The following FGF12 variants were observed in gnomAD, a reference collection of about 807,000 sequenced individuals.
FGF12 encodes the protein fibroblast growth factor 12, also known as fibroblast growth factor 12B.
In FGF12, 14 loss-of-function variants were observed where a neutral mutation model predicts 23.6. The observed-to-expected ratio is 0.59, with a 90% CI of 0.39 to 0.93. FGF12 has a LOEUF of 0.93. Among genes scored for constraint, FGF12 ranks in the 40% least tolerant of loss-of-function variants. The probability of loss-of-function intolerance (pLI) is 0.00; values close to 1 mark genes in which losing one functional copy is unlikely to be tolerated. For missense variants in FGF12, 175 were observed against 217.8 expected, an observed-to-expected ratio of 0.80 and a Z score of 1.24; for synonymous variants, 62 against 77.3, an observed-to-expected ratio of 0.80 and a Z score of 1.04.
At chr3:192,305,095 G>C (rs1323296932) in intron 4 of FGF12, among the ~76,000 whole-genome samples, 1 of 152,088 alleles carries the variant, frequency 6.6e-6, no homozygotes, top group Non-Finnish European at 1.5e-5. Flanking sequence ...AAGGAGAAAG[G>C]AAAGATGGAA....
At chr3:192,452,568 T>C (rs536357963) in intron 2 of FGF12, among the ~76,000 whole-genome samples, 3 of 152,328 alleles carry the variant, frequency 2.0e-5, no homozygotes, top group South Asian at 2.1e-4. Context: ...TTACAGGTCA[T>C]ATTTGAAAGA....
intron 2 of FGF12, among the ~76,000 whole-genome samples, chr3:192,679,768 C>T (rs529513747): frequency 2.6e-5 from 4 of 152,326 alleles, no homozygotes; most frequent in Admixed American, 6.5e-5. Flanking sequence ...TTCTAAATCA[C>T]GATGGCTGCT....
At chr3:192,650,468 T>C (rs1716175267) in intron 2 of FGF12, among the ~76,000 whole-genome samples, 1 of 152,228 alleles carries the variant, frequency 6.6e-6, no homozygotes. Context: ...CCCATCTGTA[T>C]GAGCTTCCCT....
At chr3:192,518,223 A>C (rs1211448440) in intron 2 of FGF12, among the ~76,000 whole-genome samples, 7 of 152,170 alleles carry the variant, frequency 4.6e-5, no homozygotes, top group Non-Finnish European at 8.8e-5. Flanking sequence ...ATTGACTTAG[A>C]CATCTTGGAC....
intron 4 of FGF12, among the ~76,000 whole-genome samples, chr3:192,189,573 G>A (rs1200152991): frequency 6.6e-6 from 1 of 152,118 alleles, no homozygotes; most frequent in African/African-American, 2.4e-5. Flanking sequence ...CTGTTAGAGT[G>A]GGCTCTTTCC....
chr3:192,154,683 A>C (rs1403135342), intron 5 of FGF12, among the ~76,000 whole-genome samples: 1 of 141,894 alleles, frequency 7.0e-6, no homozygotes, highest in South Asian at 2.4e-4. Context: ...TCAGATCTCC[A>C]GCTGCGTGCT....
intron 2 of FGF12, among the ~76,000 whole-genome samples, chr3:192,396,776 GC>G (rs1720540612): frequency 6.6e-5 from 10 of 152,200 alleles, no homozygotes; most frequent in Admixed American, 6.5e-4. Flanking sequence ...AATGAACCCA[GC>G]TGCATAAAGC....
At chr3:192,608,775 C>A (rs1714441012) in intron 2 of FGF12, among the ~76,000 whole-genome samples, 2 of 152,094 alleles carry the variant, frequency 1.3e-5, no homozygotes, top group African/African-American at 4.8e-5. Flanking sequence ...AAAATCCAGC[C>A]CCCAGTTTTA....
chr3:192,246,940 GAAAGAA>G (rs1435112608), intron 4 of FGF12, among the ~76,000 whole-genome samples: 5 of 82,910 alleles, frequency 6.0e-5, no homozygotes, highest in African/African-American at 4.9e-4. Context: ...AAGAAGGAAA[GAAAGAA>G]AAAGAAAAGG....
At chr3:192,419,469 T>C (rs1280244832) in intron 2 of FGF12, among the ~76,000 whole-genome samples, 1 of 152,130 alleles carries the variant, frequency 6.6e-6, no homozygotes, top group Non-Finnish European at 1.5e-5. Flanking sequence ...ATGCCTCTCT[T>C]CCACCCATGG....
chr3:192,277,669 G>C (rs1158782154), intron 4 of FGF12, among the ~76,000 whole-genome samples: 1 of 152,130 alleles, frequency 6.6e-6, no homozygotes, highest in Non-Finnish European at 1.5e-5. Context: ...TTTCCTCCTT[G>C]CGTGTATTCA....
At chr3:192,685,646 G>A (rs1026303580) in intron 2 of FGF12, among the ~76,000 whole-genome samples, 1 of 152,042 alleles carries the variant, frequency 6.6e-6, no homozygotes, top group Non-Finnish European at 1.5e-5. Flanking sequence ...GCACGGAGGA[G>A]AGTATAAATA....
At chr3:192,157,867 T>C (rs1012330137) in intron 5 of FGF12, among the ~76,000 whole-genome samples, 1 of 152,198 alleles carries the variant, frequency 6.6e-6, no homozygotes, top group Non-Finnish European at 1.5e-5. Flanking sequence ...GCACTTACTA[T>C]ATGCCTGCAC....
intron 2 of FGF12, among the ~76,000 whole-genome samples, chr3:192,669,832 T>A (rs1717044432): frequency 6.6e-6 from 1 of 152,176 alleles, no homozygotes; most frequent in Non-Finnish European, 1.5e-5. Flanking sequence ...AAGAGCTGCA[T>A]GACTCAGTGA....
chr3:192,391,619 A>G (rs1049067844), intron 2 of FGF12, among the ~76,000 whole-genome samples: 6 of 152,204 alleles, frequency 3.9e-5, no homozygotes, highest in African/African-American at 1.2e-4. Flanking sequence ...AACACCCTCT[A>G]CAATGATATT....
chr3:192,254,396 T>C (rs1712235953), intron 4 of FGF12, among the ~76,000 whole-genome samples: 1 of 151,960 alleles, frequency 6.6e-6, no homozygotes, highest in Admixed American at 6.6e-5. Context: ...GCATATATAC[T>C]ACATTTTCTG....
chr3:192,254,319 G>A (rs939319732), intron 4 of FGF12, among the ~76,000 whole-genome samples: 1 of 151,594 alleles, frequency 6.6e-6, no homozygotes, highest in Admixed American at 6.6e-5. Context: ...ATGTCCTCTA[G>A]GTTCATTTAT....
At chr3:192,455,884 C>A (rs1036168469) in intron 2 of FGF12, among the ~76,000 whole-genome samples, 1 of 152,164 alleles carries the variant, frequency 6.6e-6, no homozygotes, top group Non-Finnish European at 1.5e-5. Flanking sequence ...CACATACATG[C>A]ATTAAAAATC....
chr3:192,713,850 T>A (rs1718773954), intron 2 of FGF12, among the ~76,000 whole-genome samples: 1 of 152,202 alleles, frequency 6.6e-6, no homozygotes, highest in African/African-American at 2.4e-5. Flanking sequence ...CTGGAGCAGT[T>A]TTAAGTGTTT....
Sources: allele counts gnomAD v4.1 joint callset (sites outside exome capture counted in the v4.1 genomes callset), GRCh38; gene constraint gnomAD v4.1.1; transcripts MANE v1.5; gene names NCBI Gene and HGNC (gene_info 2026-07-23, HGNC 2026-07-21).